Variants in EYA4 observed in about 807,000 individuals in gnomAD.
EYA4 encodes EYA transcriptional coactivator and phosphatase 4.
In EYA4, 31 loss-of-function variants were observed where a neutral mutation model predicts 87.9. The ratio of observed to expected loss-of-function variants is 0.35; its 90% CI spans 0.27 to 0.48. The LOEUF (loss-of-function observed/expected upper bound fraction) is 0.48, where lower values mean the gene tolerates loss of function less well. Ranked by LOEUF, EYA4 falls within the 20% of genes least tolerant of loss-of-function variation. The pLI is 0.99. For synonymous variants in EYA4, 263 were observed against 270.6 expected (o/e 0.97, Z 0.28); for missense variants, 678 against 761.4 (o/e 0.89, Z 1.29).
At chr6:133,419,995 T>C (rs6941577) in intron 3 of EYA4, among the ~76,000 whole-genome samples, 7,717 of 152,228 alleles carry the variant, frequency 0.051, 574 homozygotes, top group African/African-American at 0.16. Context: ...GTGGGAATAG[T>C]GGCATTGTAA....
intron 1 of EYA4, among the ~76,000 whole-genome samples, chr6:133,265,159 C>G (rs1245263624): frequency 1.3e-5 from 2 of 151,954 alleles, no homozygotes; most frequent in South Asian, 4.2e-4. Flanking sequence ...GTTTGTAGCT[C>G]GCTTCTAGCA....
intron 2 of EYA4, among the ~76,000 whole-genome samples, chr6:133,324,259 A>G (rs1326236391): frequency 1.3e-5 from 2 of 152,214 alleles, no homozygotes; most frequent in South Asian, 4.1e-4. Context: ...ATTATGCTGT[A>G]TTCTAGCAAT....
intron 3 of EYA4, among the ~76,000 whole-genome samples, chr6:133,440,936 G>A (rs1792214381): frequency 6.6e-6 from 1 of 151,988 alleles, no homozygotes; most frequent in East Asian, 1.9e-4. Flanking sequence ...CTTATGATTG[G>A]CTTTAATAAA....
intron 2 of EYA4, among the ~76,000 whole-genome samples, chr6:133,297,061 A>G (rs1303902038): frequency 6.6e-6 from 1 of 152,232 alleles, no homozygotes; most frequent in Non-Finnish European, 1.5e-5. Flanking sequence ...GAATTCATGC[A>G]TTAATTCTTC....
At chr6:133,425,927 C>T (rs1400715123) in intron 3 of EYA4, among the ~76,000 whole-genome samples, 1 of 150,868 alleles carries the variant, frequency 6.6e-6, no homozygotes, top group Non-Finnish European at 1.5e-5. Context: ...TTCACGCTTT[C>T]TCCCTGACCT....
intron 2 of EYA4, among the ~76,000 whole-genome samples, chr6:133,301,715 A>G (rs527723211): frequency 6.6e-6 from 1 of 152,280 alleles, no homozygotes; most frequent in East Asian, 1.9e-4. Context: ...CGGAACTGGG[A>G]TTTGGACCTA....
chr6:133,449,155 TAGTA>T (rs939177134), intron 5 of EYA4, among the ~76,000 whole-genome samples: 3 of 152,252 alleles, frequency 2.0e-5, no homozygotes, highest in Non-Finnish European at 2.9e-5. Flanking sequence ...AAGGGCCAGA[TAGTA>T]AGTATTTTTG....
chr6:133,505,893 C>G (rs534643313), intron 13 of EYA4, among the ~76,000 whole-genome samples: 1 of 152,106 alleles, frequency 6.6e-6, no homozygotes, highest in Non-Finnish European at 1.5e-5. Context: ...GTCATCGTTA[C>G]GTATGTCTGA....
intron 3 of EYA4, among the ~76,000 whole-genome samples, chr6:133,395,307 T>C (rs974036689): frequency 6.6e-6 from 1 of 151,576 alleles, no homozygotes; most frequent in African/African-American, 2.4e-5. Flanking sequence ...GCAATAAATA[T>C]TTATAATAGG....
At chr6:133,343,625 T>G (rs1782979278) in intron 2 of EYA4, among the ~76,000 whole-genome samples, 1 of 137,042 alleles carries the variant, frequency 7.3e-6, no homozygotes, top group African/African-American at 2.7e-5. Flanking sequence ...GGTAGACTGT[T>G]TTTCGGCGTC....
intron 3 of EYA4, among the ~76,000 whole-genome samples, chr6:133,432,134 C>A (rs1050189354): frequency 6.6e-6 from 1 of 151,958 alleles, no homozygotes; most frequent in African/African-American, 2.4e-5. Context: ...TAATTGAATC[C>A]CAGCATATGC....
At chr6:133,518,862 A>G (rs1408125013) in intron 17 of EYA4, among the ~76,000 whole-genome samples, 1 of 152,106 alleles carries the variant, frequency 6.6e-6, no homozygotes, top group Non-Finnish European at 1.5e-5. Flanking sequence ...CCGCTCAACT[A>G]CATGGAAACT....
intron 3 of EYA4, among the ~76,000 whole-genome samples, chr6:133,390,154 A>G (rs1029026362): frequency 6.6e-6 from 1 of 152,116 alleles, no homozygotes; most frequent in Non-Finnish European, 1.5e-5. Flanking sequence ...TTTTGTGCCT[A>G]ATTACTGCCC....
intron 1 of EYA4, among the ~76,000 whole-genome samples, chr6:133,262,618 A>G (rs996422408): frequency 2.0e-5 from 3 of 152,238 alleles, no homozygotes; most frequent in African/African-American, 7.2e-5. Context: ...TCAAATGATC[A>G]TAATTTATAA....
chr6:133,393,893 T>C (rs1467774467), intron 3 of EYA4, among the ~76,000 whole-genome samples: 2 of 152,138 alleles, frequency 1.3e-5, no homozygotes, highest in African/African-American at 2.4e-5. Context: ...GTCTTAAGGC[T>C]TTTTCTAAAG....
chr6:133,351,901 C>A (rs1783669501), intron 2 of EYA4, among the ~76,000 whole-genome samples: 1 of 152,142 alleles, frequency 6.6e-6, no homozygotes, highest in South Asian at 2.1e-4. Context: ...TTCACCTATA[C>A]CTTCTTCCCA....
rs781272288 is a variant in EYA4 at position 133,531,214 on chromosome 6, G to T, written c.*2409G>T. On this transcript the variant is annotated 3_prime_UTR_variant, in exon 20 of 20. Coordinates refer to ENST00000355286, the MANE Select transcript of EYA4 (RefSeq NM_004100.5). The stretch of plus-strand genomic sequence containing the variant: ...TTTTCTGATTCTGTGTTCAGAAGAG[G>T]CTGCCGGCATAAAACCTAAATGCAA... 7.2e-6 allele frequency: 11 copies of T among 1,534,964 alleles called. No homozygotes were observed. The South Asian group carries it at 1.1e-4, about 15-fold the overall frequency.
intron 2 of EYA4, among the ~76,000 whole-genome samples, chr6:133,368,552 C>A (rs758626751): frequency 6.6e-6 from 1 of 152,192 alleles, no homozygotes; most frequent in Non-Finnish European, 1.5e-5. Flanking sequence ...CAATACTCAA[C>A]AGGCTCCAAC....
intron 2 of EYA4, among the ~76,000 whole-genome samples, chr6:133,366,871 C>T (rs867379634): frequency 3.9e-5 from 6 of 152,108 alleles, no homozygotes; most frequent in Admixed American, 6.5e-5. Flanking sequence ...TGTTTTTCTT[C>T]GTTCTCTAAT....
Sources: gnomAD v4.1 joint callset for allele counts (sites outside exome capture counted in the v4.1 genomes callset) on GRCh38, gnomAD v4.1.1 for gene constraint, MANE v1.5 for transcripts, NCBI Gene and HGNC (gene_info 2026-07-23, HGNC 2026-07-21) for gene names.